Variants in GGTA1 observed in about 807,000 individuals in gnomAD.
GGTA1 encodes the protein inactive N-acetyllactosaminide alpha-1,3-galactosyltransferase.
In GGTA1, 5 loss-of-function variants were observed where a neutral mutation model predicts 2.6. The ratio of observed to expected loss-of-function variants is 1.92; its 90% CI spans 1.00 to 4.04. The LOEUF (loss-of-function observed/expected upper bound fraction) is 4.04. Ranked by LOEUF, GGTA1 falls within the 30% of genes most tolerant of loss-of-function variation. The pLI is 0.00. For synonymous variants in GGTA1, 17 were observed against 5.0 expected, an observed-to-expected ratio of 3.38 and a Z score of -3.19; for missense variants, 50 against 16.7, an observed-to-expected ratio of 2.99 and a Z score of -3.47.
downstream of GGTA1, among the ~76,000 whole-genome samples, chr9:121,454,088 G>A (rs373382775): frequency 6.6e-6 from 1 of 152,124 alleles, no homozygotes; most frequent in Non-Finnish European, 1.5e-5. Context: ...GCAGACAGGG[G>A]AAACACTTTC....
chr9:121,474,706 C>T (rs1033830641), intron 1 of GGTA1, among the ~76,000 whole-genome samples: 1 of 152,162 alleles, frequency 6.6e-6, no homozygotes, highest in Non-Finnish European at 1.5e-5. Context: ...TTCTCCATCT[C>T]GTGCCAGGGG....
intron 1 of GGTA1, among the ~76,000 whole-genome samples, chr9:121,478,201 T>G (rs10985267): frequency 0.3 from 44,913 of 151,838 alleles, 6,934 homozygotes; most frequent in Middle Eastern, 0.39. Context: ...AAACATGAAG[T>G]CTTCTGCATG....
At chr9:121,458,366 GCCTGTAAT>G (rs1447139110) in intron 5 of GGTA1, among the ~76,000 whole-genome samples, 1 of 151,176 alleles carries the variant, frequency 6.6e-6, no homozygotes, top group Non-Finnish European at 1.5e-5. Flanking sequence ...AGTGGCTCAT[GCCTGTAAT>G]CCTAGCACTT....
chr9:121,452,744 C>G (rs138575738), downstream of GGTA1, among the ~76,000 whole-genome samples: 1,293 of 152,258 alleles, frequency 8.5e-3, 21 homozygotes, highest in African/African-American at 0.029. Context: ...CTCTTGAACT[C>G]CTGACCTCAG....
intron 5 of GGTA1, among the ~76,000 whole-genome samples, chr9:121,459,882 G>GCCTAGT (rs1392761472): frequency 3.3e-5 from 5 of 152,110 alleles, no homozygotes; most frequent in Non-Finnish European, 7.4e-5. Context: ...CTAACACAAT[G>GCCTAGT]CCTAGCACAG....
chr9:121,483,651 T>C (rs947319938), intron 1 of GGTA1, among the ~76,000 whole-genome samples: 6 of 152,136 alleles, frequency 3.9e-5, no homozygotes. Flanking sequence ...CATGGATCTA[T>C]CAGATAACAG....
At chr9:121,446,961 G>A (rs1210040542) in exon 8 of GGTA1, 1 of 152,206 alleles carries the variant, frequency 6.6e-6, no homozygotes, top group Non-Finnish European at 1.5e-5. Flanking sequence ...TCACTTGACA[G>A]TTTTAATATC....
chr9:121,498,078 A>G (rs1829029106), intron 1 of GGTA1, among the ~76,000 whole-genome samples: 1 of 152,202 alleles, frequency 6.6e-6, no homozygotes, highest in South Asian at 2.1e-4. Context: ...GACATCAAAA[A>G]CGTTCTCAGG....
chr9:121,482,642 G>A lies in GGTA1; in HGVS notation c.-9-14711C>T, dbSNP rs958695231. Among the ~76,000 whole-genome samples, 19 of 152,160 alleles carry A rather than the reference G, an allele frequency of 1.2e-4. No homozygotes were observed. In the South Asian group the frequency reaches 2.1e-3, roughly 17 times the overall value. On this transcript the variant is annotated intron_variant, in intron 1 of 5. Transcript: ENST00000481799. ...AAATTAGCAGGGCATGGTAGTGGGCGCCTGCAATCCCAGCTACTCAGGAGG... is the reference window on the plus strand; with the variant it reads ...AAATTAGCAGGGCATGGTAGTGGGCACCTGCAATCCCAGCTACTCAGGAGG...
Position 121,480,046 on chromosome 9 carries a change from T to TTTTTCTTTTC in GGTA1, c.-9-12125_-9-12116dup, listed in dbSNP as rs1244948883. On this transcript the variant is annotated intron_variant, in intron 1 of 5. Transcript: ENST00000481799. ...GGGCAGTGGATTTTCTTTCTTTCTT[T>TTTTTCTTTTC]TTTTCTTTTCTTTTCTTTTTTTTTT... Among the ~76,000 whole-genome samples, 681 of 147,218 alleles carry TTTTTCTTTTC rather than the reference T, an allele frequency of 4.6e-3. 17 individuals are homozygous for TTTTTCTTTTC. Among genetic ancestry groups the TTTTTCTTTTC allele is most frequent in the Middle Eastern group, 7.5e-3 (2 of 268 alleles).
intron 1 of GGTA1, among the ~76,000 whole-genome samples, chr9:121,491,470 A>T (rs964419835): frequency 6.6e-6 from 1 of 151,544 alleles, no homozygotes; most frequent in Non-Finnish European, 1.5e-5. Flanking sequence ...GAAACTCTCT[A>T]CCCGGTTCCC....
chr9:121,449,532 T>C (rs1220570561), intron 7 of GGTA1, among the ~76,000 whole-genome samples: 2 of 152,142 alleles, frequency 1.3e-5, no homozygotes, highest in Non-Finnish European at 2.9e-5. Context: ...ATCTATTCAT[T>C]TGAAAAGCAT....
At chr9:121,495,406 G>A (rs1031079455) in intron 1 of GGTA1, among the ~76,000 whole-genome samples, 2 of 152,098 alleles carry the variant, frequency 1.3e-5, no homozygotes, top group East Asian at 3.9e-4. Context: ...AACTAGCTGG[G>A]CGTGGTGGTG....
intron 1 of GGTA1, among the ~76,000 whole-genome samples, chr9:121,484,399 G>A (rs1022911445): frequency 7.3e-5 from 11 of 151,492 alleles, no homozygotes; most frequent in South Asian, 4.2e-4. Context: ...TCGCTCTGTC[G>A]CCCAGGCTGA....
At chr9:121,448,292 CA>C (rs2064861798) in intron 7 of GGTA1, among the ~76,000 whole-genome samples, 1 of 152,180 alleles carries the variant, frequency 6.6e-6, no homozygotes, top group Non-Finnish European at 1.5e-5. Context: ...AGACCAGATA[CA>C]AGGGTGATGT....
At chr9:121,486,541 G>A (rs543020169) in intron 1 of GGTA1, among the ~76,000 whole-genome samples, 2 of 152,330 alleles carry the variant, frequency 1.3e-5, no homozygotes, top group South Asian at 4.1e-4. Flanking sequence ...TGTTGGGTGA[G>A]GGGGCTGCAC....
intron 1 of GGTA1, among the ~76,000 whole-genome samples, chr9:121,485,310 C>T (rs1044403262): frequency 6.6e-5 from 10 of 152,084 alleles, no homozygotes; most frequent in African/African-American, 1.4e-4. Context: ...CCAGGAAAAC[C>T]GTGAGGAGCT....
At chr9:121,453,318 C>T (rs1234231977), downstream of GGTA1, among the ~76,000 whole-genome samples, 1 of 152,206 alleles carries the variant, frequency 6.6e-6, no homozygotes, top group Non-Finnish European at 1.5e-5. Flanking sequence ...AGAGGGAGGG[C>T]TCTGTGCTGT....
chr9:121,446,053 G>C lies in GGTA1; in HGVS notation c.*1663C>G, dbSNP rs2064851026. The C allele has an allele frequency of 2.6e-5, 4 of 152,302 alleles. No individual in the cohort carries two copies. In the South Asian group the frequency reaches 8.3e-4, roughly 32 times the overall value. The allele number at this position is 152,302 out of a possible 1,614,324, so 9.4% of individuals were successfully genotyped here. A position where few individuals can be genotyped will look rare whatever the true frequency, so the allele number is the denominator to read the frequency against. ...ACTGAATACCACTTAGGCAACACAA[G>C]AAACATCTTCCGTTCAAGTCCCTGA... On this transcript the variant is annotated 3_prime_UTR_variant and NMD_transcript_variant, in exon 8 of 8. Transcript: ENST00000481534.
Sources: allele counts gnomAD v4.1 joint callset (sites outside exome capture counted in the v4.1 genomes callset), GRCh38; gene constraint gnomAD v4.1.1; transcripts MANE v1.5; gene names NCBI Gene and HGNC (gene_info 2026-07-23, HGNC 2026-07-21).